Variants in FAM89A observed in about 807,000 individuals in gnomAD.
FAM89A encodes family with sequence similarity 89 member A.
FAM89A carries 10 observed loss-of-function variants against 7.1 expected under a neutral mutation model. The ratio of observed to expected loss-of-function variants is 1.40; its 90% CI spans 0.86 to 2.38. The LOEUF (loss-of-function observed/expected upper bound fraction) is 2.38, where lower values mean the gene tolerates loss of function less well. FAM89A is among the 30% of genes most tolerant of loss of function. The pLI is 0.00. For missense variants in FAM89A, 276 were observed against 262.8 expected (o/e 1.05, Z -0.35); for synonymous variants, 157 against 129.3 (o/e 1.21, Z -1.45).
chr1:231,021,610 A>C, intron 1 of FAM89A: 1 of 1,482,502 alleles, frequency 6.7e-7, no homozygotes, highest in South Asian at 1.1e-5. Context: ...CAAAGAGCAC[A>C]ATGAGTACAA....
chr1:231,020,355 G>C (rs1383004246), intron 1 of FAM89A, among the ~76,000 whole-genome samples: 2 of 152,114 alleles, frequency 1.3e-5, no homozygotes, highest in Non-Finnish European at 1.5e-5. Context: ...GCATCTGTGG[G>C]GCAACCAGGG....
At position 231,021,948 on chromosome 1, in the gene FAM89A, C is replaced by T. The variant is rs1374579728; in HGVS notation, c.292-1822G>A. On this transcript the variant is annotated intron_variant, in intron 1 of 1. Transcript: ENST00000366654. ...GACGTGTATGTGACTACCCACACTT[C>T]CAGAAACACCAGGGATGAGGGCGCT... 9.1e-6 allele frequency: 13 copies of T among 1,421,644 alleles called. No homozygotes were observed. The Admixed American group carries it at 1.0e-4, about 11-fold the overall frequency. The allele number at this position is 1,421,644 out of a possible 1,614,324, so 88.1% of individuals were successfully genotyped here.
intron 1 of FAM89A, among the ~76,000 whole-genome samples, chr1:231,020,633 C>T (rs1679859364): frequency 6.6e-6 from 1 of 152,180 alleles, no homozygotes; most frequent in African/African-American, 2.4e-5. Context: ...CCCTGGAGCA[C>T]CCACCTCTGT....
At chr1:231,037,140 G>T (rs949574629) in intron 1 of FAM89A, among the ~76,000 whole-genome samples, 1 of 152,324 alleles carries the variant, frequency 6.6e-6, no homozygotes, top group Middle Eastern at 3.4e-3. Flanking sequence ...GGGCTTTGGA[G>T]CCAAAGAGAC....
chr1:231,031,114 A>G (rs1680061556), intron 1 of FAM89A, among the ~76,000 whole-genome samples: 1 of 151,614 alleles, frequency 6.6e-6, no homozygotes, highest in Non-Finnish European at 1.5e-5. Context: ...TGTCTCAATA[A>G]TAATAATAAT....
rs111803940 is a variant in FAM89A, at chr1:231,030,691, T to C, written c.291+9230A>G. 2.2e-4 allele frequency among the ~76,000 whole-genome samples: 34 copies of C among 152,346 alleles called. 1 individual carries two copies. The highest frequency in any genetic ancestry group is 7.0e-4 in the African/African-American group (29 of 41,578). On this transcript the variant is annotated intron_variant, in intron 1 of 1. Transcript: ENST00000366654. ...TTCTCCTTAATTCCCTGTTATAAAATAGCAGACTTCAAATGTTTTGGTCTC... is the reference window on the plus strand; with the variant it reads ...TTCTCCTTAATTCCCTGTTATAAAACAGCAGACTTCAAATGTTTTGGTCTC...
rs780213134 is a variant in FAM89A at position 231,019,789 on chromosome 1, A to G, written c.*74T>C. ...GTCCACAACGGAGGTGCTTTCTTGC[A>G]AGAGAAGCAGCAAATGATGACAGCG... is the stretch of plus-strand genomic sequence containing the variant. On this transcript the variant is annotated 3_prime_UTR_variant, in exon 2 of 2. Transcript: ENST00000366654. 22 of 1,530,618 alleles carry G rather than the reference A, an allele frequency of 1.4e-5. No individual in the cohort carries two copies. Among genetic ancestry groups the G allele is most frequent in the Non-Finnish European group, 1.8e-5 (20 of 1,128,126 alleles). The allele number at this position is 1,530,618 out of a possible 1,614,324, so 94.8% of individuals were successfully genotyped here. A position where few individuals can be genotyped will look rare whatever the true frequency, so the allele number is the denominator to read the frequency against.
At position 231,020,129 on chromosome 1, in the gene FAM89A, T is replaced by G. The variant is rs760865548; in HGVS notation, c.292-3A>C. The G allele has an allele frequency of 9.4e-6, 15 of 1,601,150 alleles. No individual in the cohort carries two copies. Among genetic ancestry groups the G allele is most frequent in the Non-Finnish European group, 1.3e-5 (15 of 1,170,910 alleles). The stretch of plus-strand genomic sequence containing the variant: ...ATGTCCAGCTGGCGGAGACCAACCT[T>G]GAGGGAAGGGGTGGGGAGGTAAAAA... On this transcript the variant is annotated splice_polypyrimidine_tract_variant and splice_region_variant and intron_variant, in intron 1 of 1. Transcript: ENST00000366654.
At chr1:231,027,826 G>A (rs183566691) in intron 1 of FAM89A, among the ~76,000 whole-genome samples, 23 of 152,278 alleles carry the variant, frequency 1.5e-4, no homozygotes, top group Admixed American at 1.4e-3. Context: ...CCCTGTACCT[G>A]ATTCCCTCCA....
intron 1 of FAM89A, among the ~76,000 whole-genome samples, chr1:231,036,660 C>T (rs140453117): frequency 6.6e-6 from 1 of 152,180 alleles, no homozygotes; most frequent in Non-Finnish European, 1.5e-5. Flanking sequence ...CAGCCCTGGG[C>T]TCCAGCTCTC....
chr1:231,039,657 C>T (rs1396297757), intron 1 of FAM89A, among the ~76,000 whole-genome samples: 1 of 152,168 alleles, frequency 6.6e-6, no homozygotes, highest in Non-Finnish European at 1.5e-5. Context: ...CCCAGGTTTC[C>T]GAGCCAGCGG....
intron 1 of FAM89A, among the ~76,000 whole-genome samples, chr1:231,032,130 T>C (rs1367478343): frequency 6.6e-6 from 1 of 152,238 alleles, no homozygotes; most frequent in African/African-American, 2.4e-5. Context: ...GAGTCAATAA[T>C]TGGCTTTAGC....
chr1:231,020,847 T>C (rs1034609551), intron 1 of FAM89A, among the ~76,000 whole-genome samples: 1 of 152,222 alleles, frequency 6.6e-6, no homozygotes, highest in Non-Finnish European at 1.5e-5. Context: ...AAAAGTCATA[T>C]ACTTGTTTAT....
chr1:231,029,024 T>C (rs1680023642), intron 1 of FAM89A, among the ~76,000 whole-genome samples: 1 of 152,174 alleles, frequency 6.6e-6, no homozygotes, highest in Non-Finnish European at 1.5e-5. Flanking sequence ...AGTCTCTGAG[T>C]ATCTCTGGAG....
At chr1:231,034,006 G>A (rs1680117138) in intron 1 of FAM89A, among the ~76,000 whole-genome samples, 1 of 152,152 alleles carries the variant, frequency 6.6e-6, no homozygotes, top group South Asian at 2.1e-4. Context: ...ACATTGGGAT[G>A]GGGATGGGAC....
intron 1 of FAM89A, chr1:231,022,168 C>T: frequency 9.3e-7 from 1 of 1,073,432 alleles, no homozygotes; most frequent in Non-Finnish European, 1.5e-6. Context: ...AACAGTACCA[C>T]TCCATTCATA....
At chr1:231,028,336 T>G (rs1428897887) in intron 1 of FAM89A, 1 of 152,212 alleles carries the variant, frequency 6.6e-6, no homozygotes, top group African/African-American at 2.4e-5. Flanking sequence ...AGGGCAGATC[T>G]GGTGGTCAGT....
intron 1 of FAM89A, among the ~76,000 whole-genome samples, chr1:231,031,947 A>C (rs529342326): frequency 6.6e-6 from 1 of 152,360 alleles, no homozygotes; most frequent in Admixed American, 6.5e-5. Context: ...GGGGACAAGG[A>C]GGACAAGGAG....
intron 1 of FAM89A, among the ~76,000 whole-genome samples, chr1:231,027,652 C>T (rs1679997117): frequency 6.6e-6 from 1 of 151,472 alleles, no homozygotes; most frequent in South Asian, 2.1e-4. Flanking sequence ...AACAGCGACA[C>T]TTAACATTTT....
Sources: gnomAD v4.1 joint callset for allele counts (sites outside exome capture counted in the v4.1 genomes callset) on GRCh38, gnomAD v4.1.1 for gene constraint, MANE v1.5 for transcripts, NCBI Gene and HGNC (gene_info 2026-07-23, HGNC 2026-07-21) for gene names.